Variants in SYNE2 observed in about 807,000 individuals in gnomAD.
SYNE2 encodes spectrin repeat containing nuclear envelope protein 2, also known as nesprin-2.
Under a neutral mutation model 856.3 loss-of-function variants are expected in SYNE2, and 431 were observed. The observed-to-expected ratio is 0.50, with a 90% CI of 0.47 to 0.55. SYNE2 has a LOEUF of 0.55. Among genes scored for constraint, SYNE2 ranks in the 20% least tolerant of loss-of-function variants. The pLI, the probability that SYNE2 is intolerant of heterozygous loss-of-function variation, is 0.00. For missense variants in SYNE2, 8,129 were observed against 8,023.2 expected (o/e 1.01, Z -0.50); for synonymous variants, 2,923 against 2,872.3 (o/e 1.02, Z -0.56).
chr14:64,214,451 A>G lies in SYNE2; in HGVS notation c.19314A>G (p.Pro6438=). Residue 6438 remains proline (P), a synonymous_variant, in exon 106 of 116, where the codon CCA becomes CCG. Coordinates refer to ENST00000555002, the MANE Select transcript of SYNE2 (RefSeq NM_182914.3). ...SSSHEEDEEG[P]YYSALSDVEI... ...CTCACGAAGAGGACGAGGAGGGCCC[A>G]TACTACAGCGCACTGTCAGGTAACA... is the stretch of plus-strand genomic sequence containing the variant. 6.2e-7 allele frequency: 1 copy of G among 1,613,312 alleles called. No individual in the cohort carries two copies. Among genetic ancestry groups the G allele is most frequent in the Non-Finnish European group, 8.5e-7 (1 of 1,179,922 alleles).
intron 66 of SYNE2, among the ~76,000 whole-genome samples, chr14:64,119,003 G>A (rs565602216): frequency 1.3e-5 from 2 of 152,192 alleles, no homozygotes; most frequent in East Asian, 1.9e-4. Context: ...AGGTGAGTTC[G>A]GTTATTATCT....
chr14:63,993,710 T>C, intron 21 of SYNE2, 125 bp from the exon 22 acceptor site: 1 of 806,846 alleles, frequency 1.2e-6, no homozygotes, highest in Non-Finnish European at 1.9e-6. Context: ...TCTTCAGATA[T>C]TCTTCAGAGA....
intron 1 of SYNE2, among the ~76,000 whole-genome samples, chr14:63,897,115 T>C (rs991681804): frequency 3.9e-5 from 6 of 152,142 alleles, no homozygotes; most frequent in African/African-American, 1.4e-4. Flanking sequence ...TAGCCAGGCA[T>C]GGTGGTGCAT....
In SYNE2 at chr14:64,053,602, T is replaced by C; in HGVS notation, c.9689T>C (p.Leu3230Pro). 6.2e-7 allele frequency: 1 copy of C among 1,613,322 alleles called. No homozygotes were observed. Among genetic ancestry groups the C allele is most frequent in the African/African-American group, 1.3e-5 (1 of 75,032 alleles). ...SSEASDVETK[L>P]REFEDLQMQL... ...GAAGCGAGTGATGTGGAGACAAAAC[T>C]ACGTGAGTTTGAAGATCTTCAGATG... Residue 3230 changes from leucine (L) to proline (P), a missense_variant, in exon 48 of 116, where the codon CTA becomes CCA. Coordinates refer to ENST00000555002, the MANE Select transcript of SYNE2 (RefSeq NM_182914.3).
chr14:64,222,163 C>CT (rs533460611), intron 112 of SYNE2, among the ~76,000 whole-genome samples: 237 of 152,248 alleles, frequency 1.6e-3, no homozygotes, highest in African/African-American at 5.6e-3. Context: ...TCTGTATTCT[C>CT]ACTGGTGCTC....
intron 89 of SYNE2, among the ~76,000 whole-genome samples, chr14:64,164,592 A>C (rs1004132107): frequency 6.6e-6 from 1 of 152,144 alleles, no homozygotes; most frequent in African/African-American, 2.4e-5. Context: ...AGCTGTCAAC[A>C]AGCTACACAG....
At chr14:64,152,814 C>T (rs950912442) in intron 85 of SYNE2, 98 bp downstream of exon 85, 2 of 1,444,304 alleles carry the variant, frequency 1.4e-6, no homozygotes, top group South Asian at 1.2e-5. Context: ...TGGAGACTCT[C>T]TATACCAAAC....
At chr14:64,141,921 G>A (rs1397309737) in intron 81 of SYNE2, 21 bp from the exon 82 acceptor site, 1 of 1,613,206 alleles carries the variant, frequency 6.2e-7, no homozygotes, top group Non-Finnish European at 8.5e-7. Context: ...CAATTAAATG[G>A]AAATCATTTT....
chr14:64,141,448 T>C lies in SYNE2; in HGVS notation c.15084T>C (p.Ala5028=), dbSNP rs1214397978. The stretch of plus-strand genomic sequence containing the variant: ...AAACTGATACAGCTACACTGAGAGC[T>C]TCTTTAGCACAGTTTGAACAAAAAT... ...LKETDTATLR[A]SLAQFEQKWT... Residue 5028 remains alanine (A), a synonymous_variant, in exon 81 of 116, where the codon GCT becomes GCC. Transcript: ENST00000555002. 1.2e-6 allele frequency: 2 copies of C among 1,614,020 alleles called. No homozygotes were observed. The highest frequency in any genetic ancestry group is 4.5e-5 in the East Asian group (2 of 44,876).
chr14:63,995,244 GGGTTTATCTTAAAT>G (rs777761600), intron 23 of SYNE2, 42 bp downstream of exon 23: 4 of 1,556,554 alleles, frequency 2.6e-6, no homozygotes, highest in Non-Finnish European at 1.8e-6. Flanking sequence ...CATCATTTTG[GGGTTTATCTTAAAT>G]GGTTGTGTGT....
intron 63 of SYNE2, 87 bp downstream of exon 63, chr14:64,098,908 C>T: frequency 7.6e-7 from 1 of 1,312,044 alleles, no homozygotes. Context: ...GAATGGAAAC[C>T]TAAGAATTTT....
At chr14:63,921,493 T>A (rs1448488031) in intron 2 of SYNE2, among the ~76,000 whole-genome samples, 1 of 152,110 alleles carries the variant, frequency 6.6e-6, no homozygotes, top group African/African-American at 2.4e-5. Flanking sequence ...TGAGAAGGGA[T>A]GTCCAGAGAA....
At chr14:63,797,662 G>T (rs568751354) in intron 1 of SYNE2, among the ~76,000 whole-genome samples, 1 of 152,132 alleles carries the variant, frequency 6.6e-6, no homozygotes, top group Non-Finnish European at 1.5e-5. Flanking sequence ...GCCTGGTCTC[G>T]AACTCCTGAC....
At chr14:63,847,717 C>T (rs992722572) in intron 1 of SYNE2, among the ~76,000 whole-genome samples, 2 of 150,790 alleles carry the variant, frequency 1.3e-5, no homozygotes, top group African/African-American at 4.9e-5. Context: ...TCCCAAGTAG[C>T]TGGGATTACA....
At position 64,065,619 on chromosome 14, in the gene SYNE2, T is replaced by C; in HGVS notation, c.10400T>C (p.Leu3467Pro). The change falls in exon 51 of 116, where the codon CTG becomes CCG. Residue 3467 changes from leucine (L) to proline (P), a missense_variant. Leu to Pro is a moderately conservative substitution (Grantham distance 98, BLOSUM62 -3). Coordinates refer to ENST00000555002, the MANE Select transcript of SYNE2 (RefSeq NM_182914.3). ...GAGTGGGAGATGTGGTGCGAAGAAC[T>C]GAAGCAGGAATGGAAATTTGTCAGT... Reference protein sequence around the residue: ...AKEWEMWCEELKQEWKFVSEE... With the variant: ...AKEWEMWCEEPKQEWKFVSEE... The C allele has an allele frequency of 6.2e-7, 1 of 1,614,190 alleles. No individual in the cohort carries two copies. Among genetic ancestry groups the C allele is most frequent in the Non-Finnish European group, 8.5e-7 (1 of 1,180,028 alleles).
At chr14:63,865,794 G>A (rs1895142609) in intron 1 of SYNE2, among the ~76,000 whole-genome samples, 1 of 144,330 alleles carries the variant, frequency 6.9e-6, no homozygotes, top group Admixed American at 7.5e-5. Context: ...GGGCAACCAA[G>A]CAAGACCTTG....
chr14:64,194,540 A>G (rs2098532310), intron 99 of SYNE2, among the ~76,000 whole-genome samples: 1 of 152,192 alleles, frequency 6.6e-6, no homozygotes, highest in Non-Finnish European at 1.5e-5. Context: ...CCTGGGCTCA[A>G]GTTATCCTCC....
At chr14:64,033,041 G>C (rs1336289500) in intron 45 of SYNE2, among the ~76,000 whole-genome samples, 2 of 152,076 alleles carry the variant, frequency 1.3e-5, no homozygotes, top group Non-Finnish European at 2.9e-5. Context: ...GGTGGCTTGT[G>C]CCTGTGTTCC....
Position 64,218,523 on chromosome 14 carries a change from T to C in SYNE2, c.19657+11T>C. 6.2e-7 allele frequency: 1 copy of C among 1,612,698 alleles called. No homozygotes were observed. Among genetic ancestry groups the C allele is most frequent in the Non-Finnish European group, 8.5e-7 (1 of 1,179,208 alleles). On this transcript the variant is annotated intron_variant, in intron 109 of 115. Coordinates refer to ENST00000555002, the MANE Select transcript of SYNE2 (RefSeq NM_182914.3). Reference sequence around the variant, plus strand: ...CAGAGCAGCAGTCAGGTACTGCCTGTAACTGGCAGTCGTCCAGAGAGGCAG... The same window carrying C: ...CAGAGCAGCAGTCAGGTACTGCCTGCAACTGGCAGTCGTCCAGAGAGGCAG...
Sources: allele counts gnomAD v4.1 joint callset (sites outside exome capture counted in the v4.1 genomes callset), GRCh38; gene constraint gnomAD v4.1.1; transcripts MANE v1.5; gene names NCBI Gene and HGNC (gene_info 2026-07-23, HGNC 2026-07-21).